Variants in BICRA observed in about 807,000 individuals in gnomAD.
The protein encoded by BICRA is BRD4-interacting chromatin-remodeling complex-associated protein.
In BICRA, 31 loss-of-function variants were observed where a neutral mutation model predicts 96.9. That is an observed-to-expected ratio of 0.32 (90% confidence interval 0.24 to 0.43). The LOEUF (loss-of-function observed/expected upper bound fraction) is 0.43. Among genes scored for constraint, BICRA ranks in the 20% least tolerant of loss-of-function variants. The probability of loss-of-function intolerance (pLI) is 1.00; values close to 1 mark genes in which losing one functional copy is unlikely to be tolerated. For missense variants in BICRA, 2,283 were observed against 2,190.3 expected, an observed-to-expected ratio of 1.04 and a Z score of -0.84; for synonymous variants, 1,350 against 1,071.8, an observed-to-expected ratio of 1.26 and a Z score of -5.07.
At chr19:47,615,057 A>G (rs1482708746) in intron 1 of BICRA, among the ~76,000 whole-genome samples, 1 of 151,992 alleles carries the variant, frequency 6.6e-6, no homozygotes, top group East Asian at 1.9e-4. Flanking sequence ...ATCACTTTTC[A>G]CTGCAGCATT....
intron 7 of BICRA, among the ~76,000 whole-genome samples, chr19:47,687,774 A>G (rs944413205): frequency 3.4e-5 from 5 of 148,280 alleles, no homozygotes; most frequent in Non-Finnish European, 7.4e-5. Context: ...GTGAGCTGAG[A>G]TCGTGCCACT....
In BICRA at chr19:47,680,070, G is replaced by T; in HGVS notation, c.900G>T (p.Thr300=). Residue 300 remains threonine (T), a synonymous_variant, in exon 6 of 15, where the codon ACG becomes ACT. Coordinates refer to ENST00000594866, the MANE Select transcript of BICRA (RefSeq NM_001394372.1). The stretch of plus-strand genomic sequence containing the variant: ...ACCTCTCGGCCGCTGTGGCCACCAC[G>T]CTCAATGGGAACTCTGTGTTCGGAG... ...QKNLSAAVAT[T]LNGNSVFGGA... 1 of 1,563,660 alleles carries T rather than the reference G, an allele frequency of 6.4e-7. No homozygotes were observed. The highest frequency in any genetic ancestry group is 8.6e-7 in the Non-Finnish European group (1 of 1,165,444).
chr19:47,634,585 A>G (rs1241997413), intron 1 of BICRA, among the ~76,000 whole-genome samples: 1 of 151,940 alleles, frequency 6.6e-6, no homozygotes, highest in East Asian at 1.9e-4. Flanking sequence ...CATGCTCCTG[A>G]TACGGTTCTC....
intron 7 of BICRA, 56 bp from the exon 8 acceptor site, chr19:47,694,059 G>C: frequency 6.9e-7 from 1 of 1,452,328 alleles, no homozygotes; most frequent in Non-Finnish European, 9.0e-7. Flanking sequence ...GGGGCAACAG[G>C]AGCTATGGTT....
At chr19:47,634,215 G>A (rs916291783) in intron 1 of BICRA, among the ~76,000 whole-genome samples, 1 of 152,212 alleles carries the variant, frequency 6.6e-6, no homozygotes, top group African/African-American at 2.4e-5. Context: ...TGGGCAGTGC[G>A]GCTTCTGGAA....
At position 47,698,832 on chromosome 19, in the gene BICRA, C is replaced by T; in HGVS notation, c.3397+50C>T. On this transcript the variant is annotated intron_variant, in intron 12 of 14. Transcript: ENST00000594866. This position sits in a 1 kb window ranked among gnomAD's most constrained non-coding sequence, Gnocchi z 4.8. ...CTATATGTCCCAGGGGACCCCAGCC[C>T]GTGGGGCGGGGCGTCGCCAGTGTGG... is the stretch of plus-strand genomic sequence containing the variant. 6.7e-7 allele frequency: 1 copy of T among 1,496,290 alleles called. No homozygotes were observed. Among genetic ancestry groups the T allele is most frequent in the Non-Finnish European group, 9.1e-7 (1 of 1,095,652 alleles). The allele number at this position is 1,496,290 out of a possible 1,614,324, so 92.7% of individuals were successfully genotyped here.
At chr19:47,682,986 C>G (rs1973090122) in intron 7 of BICRA, among the ~76,000 whole-genome samples, 1 of 152,126 alleles carries the variant, frequency 6.6e-6, no homozygotes, top group Admixed American at 6.6e-5. Flanking sequence ...TCTTCATTCT[C>G]TTGTGTGACT....
intron 7 of BICRA, among the ~76,000 whole-genome samples, chr19:47,687,781 C>G (rs1973181066): frequency 1.4e-5 from 2 of 145,530 alleles, no homozygotes; most frequent in African/African-American, 5.1e-5. Flanking sequence ...GAGATCGTGC[C>G]ACTACACTCT....
At chr19:47,660,762 C>T (rs923774082) in intron 1 of BICRA, among the ~76,000 whole-genome samples, 4 of 152,142 alleles carry the variant, frequency 2.6e-5, no homozygotes, top group African/African-American at 7.2e-5. Flanking sequence ...GTAGTTCCCA[C>T]GGGCTTAGGA....
intron 1 of BICRA, among the ~76,000 whole-genome samples, chr19:47,626,875 C>A (rs1434860108): frequency 6.6e-6 from 1 of 151,946 alleles, no homozygotes; most frequent in Non-Finnish European, 1.5e-5. Context: ...GCGCCCACCA[C>A]CACACCCAGC....
At chr19:47,643,849 G>C (rs1449977878) in intron 1 of BICRA, among the ~76,000 whole-genome samples, 1 of 152,030 alleles carries the variant, frequency 6.6e-6, no homozygotes, top group Non-Finnish European at 1.5e-5. Flanking sequence ...TACCACATGC[G>C]TGTTCAGCTG....
rs1353930935 is a variant in BICRA at position 47,680,504 on chromosome 19, A to C, written c.1334A>C (p.Lys445Thr). The part of the protein sequence containing the change: ...APPQPPGALS[K>T]PMSVHLLNQG... ...CCGCAGCCCCCCGGGGCCCTGAGCA[A>C]ACCCATGAGCGTCCACCTCCTGAAC... Residue 445 changes from lysine (K) to threonine (T), a missense_variant, in exon 6 of 15, where the codon AAA becomes ACA. Lys to Thr is a moderately conservative substitution (Grantham distance 78). Transcript: ENST00000594866. The C allele has an allele frequency of 3.2e-6, 5 of 1,543,222 alleles. No individual in the cohort carries two copies. The South Asian group carries it at 6.0e-5, about 18-fold the overall frequency.
chr19:47,647,871 AGATATG>A (rs1972483798), intron 1 of BICRA, among the ~76,000 whole-genome samples: 3 of 144,622 alleles, frequency 2.1e-5, no homozygotes, highest in Admixed American at 7.0e-5. Flanking sequence ...TTGAGTGTCT[AGATATG>A]GAGACCGTAG....
chr19:47,681,089 A>T lies in BICRA; in HGVS notation c.1919A>T (p.Gln640Leu). The stretch of plus-strand genomic sequence containing the variant: ...AGCACACCCCTGCCCCTGGGCCTCC[A>T]GCAGCCGCAGGCGCAGCAGCCCCCG... Reference protein sequence around the residue: ...AVSTPLPLGLQQPQAQQPPQA... With the variant: ...AVSTPLPLGLLQPQAQQPPQA... The change falls in exon 6 of 15, where the codon CAG becomes CTG. Residue 640 changes from glutamine to leucine, a missense_variant. Transcript: ENST00000594866. The T allele has an allele frequency of 7.1e-7, 1 of 1,403,548 alleles. No homozygotes were observed. The highest frequency in any genetic ancestry group is 9.3e-7 in the Non-Finnish European group (1 of 1,073,898). 86.9% of individuals were successfully genotyped at this position (1,403,548 alleles called of 1,614,324 possible).
intron 1 of BICRA, among the ~76,000 whole-genome samples, chr19:47,638,322 C>T (rs1246075479): frequency 6.6e-6 from 1 of 152,196 alleles, no homozygotes; most frequent in Non-Finnish European, 1.5e-5. Context: ...CCCGGGAAGG[C>T]ATAGGGAGAG....
At chr19:47,646,714 G>C (rs562731177) in intron 1 of BICRA, among the ~76,000 whole-genome samples, 1 of 152,144 alleles carries the variant, frequency 6.6e-6, no homozygotes. Flanking sequence ...CTACAGAAAA[G>C]TGTAAAATAT....
At chr19:47,639,068 A>G (rs1445008451) in intron 1 of BICRA, among the ~76,000 whole-genome samples, 1 of 152,010 alleles carries the variant, frequency 6.6e-6, no homozygotes, top group Non-Finnish European at 1.5e-5. Flanking sequence ...CAGTGGTGTG[A>G]TCACAGCTCA....
chr19:47,619,151 G>T (rs1226422591), intron 1 of BICRA, among the ~76,000 whole-genome samples: 1 of 151,206 alleles, frequency 6.6e-6, no homozygotes, highest in African/African-American at 2.4e-5. Context: ...TCCTACTTTT[G>T]TGTGTATACT....
At chr19:47,649,202 G>C (rs1223277069) in intron 1 of BICRA, among the ~76,000 whole-genome samples, 1 of 152,124 alleles carries the variant, frequency 6.6e-6, no homozygotes, top group Non-Finnish European at 1.5e-5. Context: ...GGCCAGGCTG[G>C]TCTCAAGCTC....
Sources: gnomAD v4.1 joint callset for allele counts (sites outside exome capture counted in the v4.1 genomes callset) on GRCh38, gnomAD v4.1.1 for gene constraint, Gnocchi (gnomAD v3.1) non-coding constraint, MANE v1.5 for transcripts, NCBI Gene and HGNC (gene_info 2026-07-23, HGNC 2026-07-21) for gene names.